ZNF714: variants seen among roughly 807,000 people sequenced by gnomAD.
ZNF714 encodes zinc finger protein 714.
Under a neutral mutation model 46.2 loss-of-function variants are expected in ZNF714, and 32 were observed. The observed-to-expected ratio is 0.69, with a 90% confidence interval of 0.52 to 0.93. The LOEUF is 0.93. Ranked by LOEUF, ZNF714 falls within the 40% of genes least tolerant of loss-of-function variation. The pLI, the probability that ZNF714 is intolerant of heterozygous loss-of-function variation, is 0.00. For synonymous variants in ZNF714, 199 were observed against 213.1 expected (o/e 0.93, Z 0.58); for missense variants, 635 against 646.3 (o/e 0.98, Z 0.19).
In ZNF714 at chr19:21,087,346, G is replaced by A. The variant is rs182161833; in HGVS notation, c.-85+3277G>A. Among the ~76,000 whole-genome samples, 11 of 151,888 alleles carry A rather than the reference G, an allele frequency of 7.2e-5. No homozygotes were observed. In the East Asian group the frequency reaches 2.1e-3, roughly 29 times the overall value. On this transcript the variant is annotated intron_variant, in intron 2 of 4. Transcript: ENST00000456283. ...ATACACTTAGTCATTAGAATTACAG[G>A]AGTTTCCCATAATTTTGGAACACAT...
At chr19:21,107,772 C>T (rs1969357767) in intron 4 of ZNF714, among the ~76,000 whole-genome samples, 1 of 152,110 alleles carries the variant, frequency 6.6e-6, no homozygotes, top group African/African-American at 2.4e-5. Context: ...ATCTTCCTGC[C>T]CAGCCTTCCT....
At chr19:21,090,915 G>A (rs965712366) in intron 2 of ZNF714, 6 of 107,676 alleles carry the variant, frequency 5.6e-5, no homozygotes, top group Non-Finnish European at 1.0e-4. Flanking sequence ...AGACAGGGTC[G>A]CGCTGTTTTG....
At chr19:21,100,435 G>A (rs1413221608) in intron 4 of ZNF714, among the ~76,000 whole-genome samples, 1 of 151,916 alleles carries the variant, frequency 6.6e-6, no homozygotes, top group Non-Finnish European at 1.5e-5. Flanking sequence ...AGGAGGCTAA[G>A]GCAGGAGAAT....
At chr19:21,087,920 T>C (rs1349682059) in intron 2 of ZNF714, among the ~76,000 whole-genome samples, 1 of 152,236 alleles carries the variant, frequency 6.6e-6, no homozygotes, top group Non-Finnish European at 1.5e-5. Flanking sequence ...CAAAGTTACA[T>C]GTTACAATGT....
chr19:21,083,980 C>A lies in ZNF714; in HGVS notation c.-174C>A. 7.8e-7 allele frequency: 1 copy of A among 1,286,884 alleles called. No individual in the cohort carries two copies. Among genetic ancestry groups the A allele is most frequent in the Non-Finnish European group, 1.0e-6 (1 of 988,728 alleles). 79.7% of individuals were successfully genotyped at this position (1,286,884 alleles called of 1,614,324 possible). On this transcript the variant is annotated splice_region_variant and 5_prime_UTR_variant, in exon 2 of 5. Transcript: ENST00000456283. ...TTCTGGTTTATTTTCTTCCATAGGG[C>A]GACCTGAGGTCTGGAGTGTATCCTC...
chr19:21,106,259 AAAAT>A (rs1186089280), intron 4 of ZNF714, among the ~76,000 whole-genome samples: 3 of 151,300 alleles, frequency 2.0e-5, no homozygotes, highest in Non-Finnish European at 4.4e-5. Flanking sequence ...CGTCACTCCA[AAAAT>A]AAATAAATAA....
chr19:21,088,633 CACTTTTT>C (rs1321470035), intron 2 of ZNF714, among the ~76,000 whole-genome samples: 1 of 152,114 alleles, frequency 6.6e-6, no homozygotes, highest in Non-Finnish European at 1.5e-5. Flanking sequence ...AAAGGCATTG[CACTTTTT>C]ACTTTTCTGA....
intron 4 of ZNF714, 118 bp downstream of exon 4, chr19:21,099,028 T>G: frequency 3.8e-6 from 2 of 520,776 alleles, no homozygotes; most frequent in Non-Finnish European, 6.5e-6. Flanking sequence ...AGTATATAGT[T>G]TCTGGGAAGA....
At chr19:21,094,917 T>G (rs926746233) in intron 2 of ZNF714, among the ~76,000 whole-genome samples, 1 of 152,208 alleles carries the variant, frequency 6.6e-6, no homozygotes, top group African/African-American at 2.4e-5. Flanking sequence ...GTGGTGAGCA[T>G]TTTTTGCACA....
rs749638827 is a variant in ZNF714 at position 21,117,645 on chromosome 19, C to G, written c.981C>G (p.Thr327=). The stretch of plus-strand genomic sequence containing the variant: ...GCAAAGGCTTTAACTGGTCTTCAAC[C>G]CTTACAAAACATAAAAGAATTCATA... ...QCGKGFNWSS[T]LTKHKRIHTG... Residue 327 remains threonine, a synonymous_variant, in exon 5 of 5, where the codon ACC becomes ACG. Transcript: ENST00000456283. 2 of 1,613,360 alleles carry G rather than the reference C, an allele frequency of 1.2e-6. No individual in the cohort carries two copies. The highest frequency in any genetic ancestry group is 4.5e-5 in the East Asian group (2 of 44,804).
intron 4 of ZNF714, among the ~76,000 whole-genome samples, chr19:21,115,296 CATT>C (rs1185681669): frequency 6.6e-6 from 1 of 151,278 alleles, no homozygotes; most frequent in Non-Finnish European, 1.5e-5. Flanking sequence ...TTTTTTGTGC[CATT>C]ATTATAATGC....
chr19:21,121,632 G>A lies in ZNF714; in HGVS notation c.*3300G>A, dbSNP rs1482047497. ...AGTGTGTGTGTGTGAGTATGAGTTT[G>A]TACCTATTTTCAGAAAAGAACAATA... On this transcript the variant is annotated 3_prime_UTR_variant, in exon 5 of 5. Transcript: ENST00000456283. 6.6e-6 allele frequency: 1 copy of A among 152,100 alleles called. No individual in the cohort carries two copies. The highest frequency in any genetic ancestry group is 1.5e-5 in the Non-Finnish European group (1 of 68,012). The allele number at this position is 152,100 out of a possible 1,614,324, so 9.4% of individuals were successfully genotyped here.
rs1025569406 is a variant in ZNF714, at chr19:21,123,601, C to T, written c.*5269C>T. Among the ~76,000 whole-genome samples, 7 of 152,104 alleles carry T rather than the reference C, an allele frequency of 4.6e-5. No individual in the cohort carries two copies. The highest frequency in any genetic ancestry group is 1.7e-4 in the African/African-American group (7 of 41,406). On this transcript the variant is annotated 3_prime_UTR_variant, in exon 5 of 5. Transcript: ENST00000456283. ...CAATCTCCTGACCTCGTGATCCGCC[C>T]GCCTCGACCTCCCAAAGTGGTGGGA...
At chr19:21,098,490 A>C (rs10410875) in intron 3 of ZNF714, among the ~76,000 whole-genome samples, 179 bp downstream of exon 3, 2,371 of 152,204 alleles carry the variant, frequency 0.016, 69 homozygotes, top group African/African-American at 0.055. Context: ...TTTCATCCTG[A>C]CCTGAACTTT....
chr19:21,116,679 G>A (rs906851783), intron 4 of ZNF714, 128 bp from the exon 5 acceptor site: 1 of 1,126,604 alleles, frequency 8.9e-7, no homozygotes. Flanking sequence ...GTCTATGAAG[G>A]ATTTAGGGCC....
Position 21,089,281 on chromosome 19 carries a change from A to G in ZNF714, c.-85+5212A>G, listed in dbSNP as rs557861781. Among the ~76,000 whole-genome samples, 14 of 152,302 alleles carry G rather than the reference A, an allele frequency of 9.2e-5. No homozygotes were observed. The South Asian group carries it at 2.9e-3, about 32-fold the overall frequency. On this transcript the variant is annotated intron_variant, in intron 2 of 4. Coordinates refer to ENST00000456283, the MANE Select transcript of ZNF714 (RefSeq NM_182515.4). ...TTTTCCCAAGGAGTCCCAGGCTGCT[A>G]GAGCTTGAATATCTGCTTTTAATTA...
chr19:21,102,048 G>A (rs1211782561), intron 4 of ZNF714, among the ~76,000 whole-genome samples: 3 of 152,098 alleles, frequency 2.0e-5, no homozygotes, highest in Non-Finnish European at 2.9e-5. Context: ...TCCAACCTCA[G>A]TGTACCATGT....
At chr19:21,097,573 G>T (rs1289272334) in intron 2 of ZNF714, among the ~76,000 whole-genome samples, 1 of 151,594 alleles carries the variant, frequency 6.6e-6, no homozygotes, top group Non-Finnish European at 1.5e-5. Context: ...TTTTTCTTAG[G>T]TTTTTTTGTT....
chr19:21,107,508 G>A (rs1397704435), intron 4 of ZNF714, among the ~76,000 whole-genome samples: 2 of 150,736 alleles, frequency 1.3e-5, no homozygotes, highest in East Asian at 1.9e-4. Flanking sequence ...CAAAATGCTG[G>A]GATTGCAGGT....
Sources: gnomAD v4.1 joint callset for allele counts (sites outside exome capture counted in the v4.1 genomes callset) on GRCh38, gnomAD v4.1.1 for gene constraint, MANE v1.5 for transcripts, NCBI Gene and HGNC (gene_info 2026-07-23, HGNC 2026-07-21) for gene names.